Variants in CCDC7 observed in about 807,000 individuals in gnomAD.
CCDC7 encodes coiled-coil domain-containing protein 7.
A neutral mutation model predicts 196.9 loss-of-function variants in CCDC7; 183 were observed. The observed-to-expected ratio is 0.93, with a 90% CI of 0.82 to 1.05. The LOEUF is 1.05. Among genes scored for constraint, CCDC7 ranks in the 50% least tolerant of loss-of-function variants. The pLI is 0.00. For missense variants in CCDC7, 1,540 were observed against 1,482.2 expected (o/e 1.04, Z -0.64); for synonymous variants, 525 against 484.6 (o/e 1.08, Z -1.10).
At chr10:32,681,984 A>G (rs1366877564) in intron 21 of CCDC7, among the ~76,000 whole-genome samples, 1 of 152,148 alleles carries the variant, frequency 6.6e-6, no homozygotes. Context: ...ACTAATCCAC[A>G]ACACAATTAC....
intron 27 of CCDC7, 145 bp downstream of exon 28, chr10:32,729,142 G>A (rs2083542754): frequency 2.4e-6 from 2 of 826,500 alleles, no homozygotes; most frequent in Non-Finnish European, 3.7e-6. Flanking sequence ...ATGATAACTA[G>A]AGAACAAAAG....
intron 13 of CCDC7, among the ~76,000 whole-genome samples, chr10:32,562,509 A>G (rs2055897502): frequency 6.6e-6 from 1 of 152,230 alleles, no homozygotes; most frequent in Admixed American, 6.5e-5. Context: ...ATGCAAATCA[A>G]TAAATGTAAT....
At chr10:32,518,590 G>A in intron 11 of CCDC7, 85 bp downstream of exon 12, 1 of 1,047,872 alleles carries the variant, frequency 9.5e-7, no homozygotes, top group Non-Finnish European at 1.3e-6. Flanking sequence ...CTATTTAAAT[G>A]TTATATAATA....
chr10:32,800,108 A>G (rs1281540275), intron 29 of CCDC7, among the ~76,000 whole-genome samples: 1 of 152,162 alleles, frequency 6.6e-6, no homozygotes, highest in Non-Finnish European at 1.5e-5. Context: ...GCTTACGATA[A>G]TCCACTATCA....
intron 18 of CCDC7, among the ~76,000 whole-genome samples, chr10:32,624,984 G>GTTTTTTTTTTT (rs35752534): frequency 1.9e-5 from 1 of 51,680 alleles, no homozygotes; most frequent in Non-Finnish European, 3.6e-5. Flanking sequence ...CTTTGCACAA[G>GTTTTTTTTTTT]TTTTTTTTTT....
At chr10:32,645,503 C>CTT (rs35170235) in intron 20 of CCDC7, among the ~76,000 whole-genome samples, 26 of 65,116 alleles carry the variant, frequency 4.0e-4, no homozygotes, top group African/African-American at 6.4e-4. Context: ...GAGTCCATGT[C>CTT]TTTTTTTTTT....
At chr10:32,875,267 A>T (rs1593744803) in intron 41 of CCDC7, among the ~76,000 whole-genome samples, 1 of 151,602 alleles carries the variant, frequency 6.6e-6, no homozygotes, top group Admixed American at 6.6e-5. Flanking sequence ...ATACTTTGGG[A>T]TTTTACATTT....
Position 32,648,131 on chromosome 10 carries a change from TGGCTGTAG to T in CCDC7, c.2014+12975_2014+12982del, listed in dbSNP as rs200449926. ...TTTGTTGGTCTTGTCAAATATCAGA[TGGCTGTAG>T]GTGTGGGGCTTTATTTATGAGTTTT... On this transcript the variant is annotated intron_variant, in intron 20 of 41. Coordinates refer to ENST00000639629, the Ensembl canonical transcript of CCDC7. 6.6e-3 allele frequency among the ~76,000 whole-genome samples: 999 copies of T among 152,344 alleles called. 8 individuals carry two copies. The highest frequency in any genetic ancestry group is 0.022 in the African/African-American group (894 of 41,578).
intron 32 of CCDC7, among the ~76,000 whole-genome samples, chr10:32,829,946 C>G (rs1255889843): frequency 6.6e-6 from 1 of 150,992 alleles, no homozygotes; most frequent in African/African-American, 2.4e-5. Context: ...ACATCTTTAT[C>G]CTGTGCTGGA....
chr10:32,840,599 A>G (rs1038493128), intron 33 of CCDC7, among the ~76,000 whole-genome samples: 4 of 152,014 alleles, frequency 2.6e-5, no homozygotes, highest in Non-Finnish European at 5.9e-5. Context: ...TACCAATCCT[A>G]CTGAGGTGAT....
intron 31 of CCDC7, among the ~76,000 whole-genome samples, chr10:32,823,636 T>C (rs942591874): frequency 6.6e-6 from 1 of 152,214 alleles, no homozygotes; most frequent in African/African-American, 2.4e-5. Context: ...CATGCTCTGC[T>C]AAAACCAACT....
At chr10:32,678,035 C>T (rs1242912347) in intron 21 of CCDC7, among the ~76,000 whole-genome samples, 1 of 151,854 alleles carries the variant, frequency 6.6e-6, no homozygotes, top group East Asian at 1.9e-4. Flanking sequence ...CATTGTGTTC[C>T]TCTGTTCCAG....
chr10:32,871,594 A>G (rs1044247088), intron 41 of CCDC7, among the ~76,000 whole-genome samples: 1 of 150,988 alleles, frequency 6.6e-6, no homozygotes, highest in African/African-American at 2.5e-5. Context: ...TTGTGTCTCT[A>G]TTTCCTTCAA....
intron 9 of CCDC7, among the ~76,000 whole-genome samples, chr10:32,504,816 G>C (rs1023523319): frequency 6.6e-6 from 1 of 152,102 alleles, no homozygotes; most frequent in Non-Finnish European, 1.5e-5. Context: ...ATGTTTTGTG[G>C]TCTAACACAT....
chr10:32,637,321 T>A (rs186301080), intron 20 of CCDC7, among the ~76,000 whole-genome samples: 8,130 of 152,256 alleles, frequency 0.053, 716 homozygotes, highest in African/African-American at 0.19. Context: ...ATGTCCTGAA[T>A]GGTATTGCCT....
rs548239547 is a variant in CCDC7, at chr10:32,676,095, C to T, written c.2123-9875C>T. ...AAATAACGCCACATATCTACAACTA[C>T]CTGATCTTTGTCAAACCTGAGAAAA... On this transcript the variant is annotated intron_variant, in intron 21 of 41. Coordinates refer to ENST00000639629, the Ensembl canonical transcript of CCDC7. Among the ~76,000 whole-genome samples, 8 of 150,246 alleles carry T rather than the reference C, an allele frequency of 5.3e-5. No individual in the cohort carries two copies. In the South Asian group the frequency reaches 1.1e-3, roughly 20 times the overall value.
chr10:32,819,049 A>C (rs1164997937), intron 31 of CCDC7, among the ~76,000 whole-genome samples: 1 of 152,196 alleles, frequency 6.6e-6, no homozygotes, highest in African/African-American at 2.4e-5. Context: ...AAAGATCAAC[A>C]AAATTGATAG....
chr10:32,617,510 AT>A (rs1224222316), intron 18 of CCDC7, among the ~76,000 whole-genome samples: 2 of 151,766 alleles, frequency 1.3e-5, no homozygotes, highest in Non-Finnish European at 3.0e-5. Flanking sequence ...ATTTAATAAA[AT>A]TTTTAAATTT....
chr10:32,625,493 G>A (rs2063921945), intron 18 of CCDC7, among the ~76,000 whole-genome samples: 1 of 151,082 alleles, frequency 6.6e-6, no homozygotes, highest in Non-Finnish European at 1.5e-5. Flanking sequence ...TATTTATTAT[G>A]GGGTATAAAG....
Sources: gnomAD v4.1 joint callset for allele counts (sites outside exome capture counted in the v4.1 genomes callset) on GRCh38, gnomAD v4.1.1 for gene constraint, MANE v1.5 for transcripts, NCBI Gene and HGNC (gene_info 2026-07-23, HGNC 2026-07-21) for gene names.